Variants in USP6NL observed in about 807,000 individuals in gnomAD.
USP6NL encodes USP6 N-terminal-like protein.
In USP6NL, 26 loss-of-function variants were observed where a neutral mutation model predicts 61.9. The observed-to-expected ratio is 0.42, with a 90% confidence interval of 0.31 to 0.58. The LOEUF (loss-of-function observed/expected upper bound fraction) is 0.58. USP6NL is among the 20% of genes least tolerant of loss of function. USP6NL has a pLI of 0.16. For synonymous variants in USP6NL, 432 were observed against 390.1 expected (o/e 1.11, Z -1.27); for missense variants, 1,114 against 1,034.3 (o/e 1.08, Z -1.06).
intron 13 of USP6NL, among the ~76,000 whole-genome samples, chr10:11,483,608 G>A (rs1476250864): frequency 1.7e-4 from 3 of 17,412 alleles, no homozygotes; most frequent in African/African-American, 6.7e-4. Context: ...GAGGGGGGAG[G>A]GGGAGAGGGG....
chr10:11,505,792 C>T (rs575779929), intron 6 of USP6NL, among the ~76,000 whole-genome samples: 98 of 152,098 alleles, frequency 6.4e-4, no homozygotes, highest in Admixed American at 1.2e-3. Context: ...AGTGAGTAAA[C>T]TTTTCAGCCC....
At chr10:11,606,724 A>G (rs995073451) in intron 1 of USP6NL, among the ~76,000 whole-genome samples, 1 of 152,202 alleles carries the variant, frequency 6.6e-6, no homozygotes, top group Admixed American at 6.5e-5. Flanking sequence ...TTTTTAAGAA[A>G]TCAATTCAAA....
Position 11,462,332 on chromosome 10 carries a change from G to T in USP6NL, c.*109C>A. Reference sequence around the variant, plus strand: ...ATTCTTACTACTAACAGACAGGAGAGATGTGCGAGTTGTTTACAATAGTAT... The same window carrying T: ...ATTCTTACTACTAACAGACAGGAGATATGTGCGAGTTGTTTACAATAGTAT... On this transcript the variant is annotated 3_prime_UTR_variant, in exon 15 of 15. Transcript: ENST00000609104. 8.1e-7 allele frequency: 1 copy of T among 1,231,528 alleles called. No homozygotes were observed. Among genetic ancestry groups the T allele is most frequent in the Non-Finnish European group, 1.1e-6 (1 of 903,860 alleles). 76.3% of individuals were successfully genotyped at this position (1,231,528 alleles called of 1,614,324 possible).
At chr10:11,564,954 T>A (rs1398688420) in intron 2 of USP6NL, 1 of 152,222 alleles carries the variant, frequency 6.6e-6, no homozygotes, top group Non-Finnish European at 1.5e-5. Flanking sequence ...ATTGACTAAT[T>A]ATGGATTTGA....
In USP6NL at chr10:11,540,036, G is replaced by A. The variant is rs1591905314; in HGVS notation, c.5-12469C>T. Among the ~76,000 whole-genome samples, 1 of 152,308 alleles carries A rather than the reference G, an allele frequency of 6.6e-6. No individual in the cohort carries two copies. Among genetic ancestry groups the A allele is most frequent in the East Asian group, 1.9e-4 (1 of 5,192 alleles). ...TTTCTAACCATCAAGTGCTTTTGTTGAAGTGTAAGTATTAATAGTTGATCT... is the reference window on the plus strand; with the variant it reads ...TTTCTAACCATCAAGTGCTTTTGTTAAAGTGTAAGTATTAATAGTTGATCT... On this transcript the variant is annotated intron_variant, in intron 2 of 14. Transcript: ENST00000609104. The surrounding 1 kb of genome is among the most constrained non-coding windows in gnomAD (Gnocchi z 5.0).
intron 2 of USP6NL, among the ~76,000 whole-genome samples, chr10:11,578,428 C>G (rs1174687090): frequency 6.6e-6 from 1 of 152,094 alleles, no homozygotes; most frequent in African/African-American, 2.4e-5. Context: ...TAAAGGGATG[C>G]TTTCAACATT....
At chr10:11,603,657 A>G (rs1287566344) in intron 1 of USP6NL, among the ~76,000 whole-genome samples, 2 of 152,214 alleles carry the variant, frequency 1.3e-5, no homozygotes, top group Non-Finnish European at 2.9e-5. Flanking sequence ...GTATTCATCT[A>G]TTCATTTAAT....
rs756617436 is a variant in USP6NL, at chr10:11,596,292, T to C, written c.4+1339A>G. ...TTAGCACTTTACATTAGATAAACTTTCTCACAAAATGTCATGATTGGAGCT... is the reference window on the plus strand; with the variant it reads ...TTAGCACTTTACATTAGATAAACTTCCTCACAAAATGTCATGATTGGAGCT... On this transcript the variant is annotated intron_variant, in intron 2 of 14. Coordinates refer to ENST00000609104, the MANE Select transcript of USP6NL (RefSeq NM_014688.5). This position sits in a 1 kb window ranked among gnomAD's most constrained non-coding sequence, Gnocchi z 4.1. Among the ~76,000 whole-genome samples the C allele has an allele frequency of 6.6e-6, 1 of 152,178 alleles. No homozygotes were observed. The highest frequency in any genetic ancestry group is 1.5e-5 in the Non-Finnish European group (1 of 68,010).
In USP6NL at chr10:11,489,182, A is replaced by G; in HGVS notation, c.584T>C (p.Leu195Ser). The change falls in exon 10 of 15, where the codon TTA becomes TCA. Residue 195 changes from leucine (L) to serine (S), a missense_variant. Coordinates refer to ENST00000609104, the MANE Select transcript of USP6NL (RefSeq NM_014688.5). The surrounding 1 kb of genome is among the most constrained non-coding windows in gnomAD (Gnocchi z 5.7). ...TTCCTCGTTCATATACATGAGGAGT[A>G]AAGCTGTGATCTGGCTCATCCCCTG... ...YCQGMSQITA[L>S]LLMYMNEEDA... 1 of 1,613,998 alleles carries G rather than the reference A, an allele frequency of 6.2e-7. No individual in the cohort carries two copies. The highest frequency in any genetic ancestry group is 8.5e-7 in the Non-Finnish European group (1 of 1,179,854).
chr10:11,604,369 C>G (rs772532065), intron 1 of USP6NL, among the ~76,000 whole-genome samples: 1 of 152,142 alleles, frequency 6.6e-6, no homozygotes, highest in Non-Finnish European at 1.5e-5. Flanking sequence ...CCAGCTAAAA[C>G]AAGCTGGTCT....
In USP6NL at chr10:11,482,716, T is replaced by A. The variant is rs533002362; in HGVS notation, c.926-794A>T. On this transcript the variant is annotated intron_variant, in intron 13 of 14. Transcript: ENST00000609104. The surrounding 1 kb of genome is among the most constrained non-coding windows in gnomAD (Gnocchi z 4.0). ...TGGTCATTTAGGTGGTTTTTGATTT[T>A]TTATTATTTAAAACCACTGTGTGAT... 1.8e-4 allele frequency among the ~76,000 whole-genome samples: 27 copies of A among 152,346 alleles called. No homozygotes were observed. Among genetic ancestry groups the A allele is most frequent in the South Asian group, 4.1e-4 (2 of 4,830 alleles).
chr10:11,521,450 C>T (rs915597319), intron 4 of USP6NL, among the ~76,000 whole-genome samples: 3 of 150,696 alleles, frequency 2.0e-5, no homozygotes, highest in South Asian at 2.1e-4. Context: ...GTGCGATCTC[C>T]GCTCACCGTA....
intron 1 of USP6NL, among the ~76,000 whole-genome samples, chr10:11,607,964 A>G (rs987659551): frequency 6.6e-6 from 1 of 152,226 alleles, no homozygotes; most frequent in Non-Finnish European, 1.5e-5. Flanking sequence ...TTTAGAGCTA[A>G]GAACACTTAA....
In USP6NL at chr10:11,520,585, T is replaced by A. The variant is rs923115795; in HGVS notation, c.156-2011A>T. On this transcript the variant is annotated intron_variant, in intron 4 of 14. Coordinates refer to ENST00000609104, the MANE Select transcript of USP6NL (RefSeq NM_014688.5). The surrounding 1 kb of genome is among the most constrained non-coding windows in gnomAD (Gnocchi z 5.2). ...ACACATGCCTGCAGGCATGGATGCA[T>A]CCTTACCTTGCCTCCTAAATATCCT... 2.6e-5 allele frequency among the ~76,000 whole-genome samples: 4 copies of A among 152,192 alleles called. No individual in the cohort carries two copies. The highest frequency in any genetic ancestry group is 1.3e-4 in the Admixed American group (2 of 15,276).
rs536214002 is a variant in USP6NL at position 11,496,384 on chromosome 10, G to A, written c.385-3156C>T. Among the ~76,000 whole-genome samples the A allele has an allele frequency of 1.3e-5, 2 of 152,316 alleles. No individual in the cohort carries two copies. Among genetic ancestry groups the A allele is most frequent in the Admixed American group, 6.5e-5 (1 of 15,302 alleles). ...TTCTCCAATTCCCACTGCCAGCCTA[G>A]GATTTAGCTTCCTCAGGTTTGCTAA... On this transcript the variant is annotated intron_variant, in intron 7 of 14. Transcript: ENST00000609104. The surrounding 1 kb of genome is among the most constrained non-coding windows in gnomAD (Gnocchi z 5.4).
At chr10:11,494,844 A>G (rs2133280722) in intron 7 of USP6NL, among the ~76,000 whole-genome samples, 1 of 152,294 alleles carries the variant, frequency 6.6e-6, no homozygotes, top group African/African-American at 2.4e-5. Flanking sequence ...GGTGTACAGG[A>G]TGGAACATGA....
intron 2 of USP6NL, among the ~76,000 whole-genome samples, chr10:11,555,858 T>G (rs971527203): frequency 1.3e-5 from 2 of 152,198 alleles, no homozygotes; most frequent in African/African-American, 4.8e-5. Context: ...GAAATTACAC[T>G]CTTAAAATGC....
At chr10:11,521,630 T>G (rs2133384790) in intron 4 of USP6NL, among the ~76,000 whole-genome samples, 1 of 152,220 alleles carries the variant, frequency 6.6e-6, no homozygotes. Context: ...TCCGCCCGCC[T>G]GGGCCTCCCA....
Position 11,489,934 on chromosome 10 carries a change from T to A in USP6NL, c.544-712A>T, listed in dbSNP as rs1833639811. On this transcript the variant is annotated intron_variant, in intron 9 of 14. Coordinates refer to ENST00000609104, the MANE Select transcript of USP6NL (RefSeq NM_014688.5). The surrounding 1 kb of genome is among the most constrained non-coding windows in gnomAD (Gnocchi z 5.7). Reference sequence around the variant, plus strand: ...TCTGAGCCGCAGTATAACTGGCCAGTAGGCAAAGGAAGCAATCTGGAGAGA... The same window carrying A: ...TCTGAGCCGCAGTATAACTGGCCAGAAGGCAAAGGAAGCAATCTGGAGAGA... Among the ~76,000 whole-genome samples, 1 of 152,228 alleles carries A rather than the reference T, an allele frequency of 6.6e-6. No homozygotes were observed. The highest frequency in any genetic ancestry group is 2.4e-5 in the African/African-American group (1 of 41,534).
Sources: allele counts gnomAD v4.1 joint callset (sites outside exome capture counted in the v4.1 genomes callset), GRCh38; gene constraint gnomAD v4.1.1; non-coding constraint Gnocchi (gnomAD v3.1); transcripts MANE v1.5; gene names NCBI Gene and HGNC (gene_info 2026-07-23, HGNC 2026-07-21).